Variants in GABBR2 observed in about 807,000 individuals in gnomAD.
GABBR2 encodes the protein G-protein coupled receptor 51.
In GABBR2, 23 loss-of-function variants were observed where a neutral mutation model predicts 105.6. The observed-to-expected ratio is 0.22, with a 90% confidence interval of 0.16 to 0.31. The LOEUF (loss-of-function observed/expected upper bound fraction) is 0.31, where lower values mean the gene tolerates loss of function less well. GABBR2 is among the 10% of genes least tolerant of loss of function. GABBR2 has a pLI of 1.00. For missense variants in GABBR2, 734 were observed against 1,245.5 expected (o/e 0.59, Z 6.18); for synonymous variants, 478 against 499.7 (o/e 0.96, Z 0.58).
intron 6 of GABBR2, among the ~76,000 whole-genome samples, chr9:98,470,576 G>A (rs1428371491): frequency 3.9e-5 from 6 of 152,112 alleles, no homozygotes; most frequent in Non-Finnish European, 7.4e-5. Flanking sequence ...TTTGGGTGGG[G>A]ACGCAGAGCT....
At chr9:98,702,775 T>C (rs1830847731) in intron 1 of GABBR2, among the ~76,000 whole-genome samples, 1 of 152,238 alleles carries the variant, frequency 6.6e-6, no homozygotes, top group Non-Finnish European at 1.5e-5. Context: ...TCTGGTCCTA[T>C]ATGATCTTCC....
At chr9:98,703,808 T>TAAATC (rs1554727344) in intron 1 of GABBR2, among the ~76,000 whole-genome samples, 1 of 150,476 alleles carries the variant, frequency 6.6e-6, no homozygotes, top group African/African-American at 2.4e-5. Context: ...TTTTTATTTT[T>TAAATC]AAATAAAAAT....
intron 1 of GABBR2, among the ~76,000 whole-genome samples, chr9:98,630,789 G>A (rs535799198): frequency 2.8e-4 from 42 of 152,298 alleles, no homozygotes; most frequent in African/African-American, 9.9e-4. Flanking sequence ...TGGCTTTTAA[G>A]AGGACACCAA....
At chr9:98,569,171 G>A (rs1828791039) in intron 2 of GABBR2, among the ~76,000 whole-genome samples, 1 of 152,132 alleles carries the variant, frequency 6.6e-6, no homozygotes. Context: ...TTCCAGCTGT[G>A]CCTCATCGTA....
chr9:98,377,383 G>A (rs772235768), intron 11 of GABBR2, among the ~76,000 whole-genome samples: 4 of 152,180 alleles, frequency 2.6e-5, no homozygotes, highest in Non-Finnish European at 4.4e-5. Context: ...CAAGTATGGT[G>A]TATCATTTAG....
At chr9:98,660,835 C>T (rs1423729986) in intron 1 of GABBR2, among the ~76,000 whole-genome samples, 1 of 152,218 alleles carries the variant, frequency 6.6e-6, no homozygotes. Context: ...TGACCTCCTG[C>T]CTCCTTCTTA....
At position 98,387,968 on chromosome 9, in the gene GABBR2, G is replaced by A. The variant is rs553057817; in HGVS notation, c.1529+886C>T. The stretch of plus-strand genomic sequence containing the variant: ...CGAGTTCATGCAATGTGGCTTCTGG[G>A]CACCATGGCAGAGCCATGGCACCAT... On this transcript the variant is annotated intron_variant, in intron 10 of 18. Transcript: ENST00000259455. Among the ~76,000 whole-genome samples, 8 of 152,266 alleles carry A rather than the reference G, an allele frequency of 5.3e-5. No homozygotes were observed. In the East Asian group the frequency reaches 1.2e-3, roughly 22 times the overall value.
chr9:98,689,542 C>G (rs1588284373), intron 1 of GABBR2, among the ~76,000 whole-genome samples: 1 of 152,256 alleles, frequency 6.6e-6, no homozygotes, highest in African/African-American at 2.4e-5. Flanking sequence ...TAGACAATAA[C>G]CCAGGATTCC....
At chr9:98,658,545 C>T (rs868801018) in intron 1 of GABBR2, among the ~76,000 whole-genome samples, 5 of 152,190 alleles carry the variant, frequency 3.3e-5, no homozygotes, top group East Asian at 1.9e-4. Context: ...TCCCATCCAC[C>T]GCTCTGTCAA....
chr9:98,339,175 G>A (rs1456386657), intron 13 of GABBR2, among the ~76,000 whole-genome samples: 1 of 150,616 alleles, frequency 6.6e-6, no homozygotes, highest in Non-Finnish European at 1.5e-5. Flanking sequence ...GGGTGACAAC[G>A]TTTTTCTCAA....
At position 98,306,130 on chromosome 9, in the gene GABBR2, G is replaced by A. The variant is rs754518079; in HGVS notation, c.2220C>T (p.Phe740=). The A allele has an allele frequency of 1.6e-5, 26 of 1,613,218 alleles. No homozygotes were observed. The highest frequency in any genetic ancestry group is 3.3e-4 in the Middle Eastern group (2 of 6,056). The change falls in exon 15 of 19, where the codon TTC becomes TTT. Residue 740 remains phenylalanine (F), a synonymous_variant. Transcript: ENST00000259455. The surrounding 1 kb of genome is among the most constrained non-coding windows in gnomAD (Gnocchi z 5.4). ...GGGCCAGCGCCTGTACCTTCGGCAC[G>A]AATACCAGGCAGAGGGTGATGGTGC... ...FCSTITLCLV[F]VPKLITLRTN...
chr9:98,293,647 G>A, intron 18 of GABBR2, 138 bp downstream of exon 18: 1 of 596,784 alleles, frequency 1.7e-6, no homozygotes, highest in Non-Finnish European at 3.0e-6. Context: ...AAAGAGCACT[G>A]TAATTGGACT....
intron 13 of GABBR2, among the ~76,000 whole-genome samples, chr9:98,349,349 GTTTTTTTTTTTTTTT>G (rs1182072320): frequency 4.1e-5 from 1 of 24,218 alleles, no homozygotes; most frequent in Non-Finnish European, 8.1e-5. Flanking sequence ...TTGAAGTTTT[GTTTTTTTTTTTTTTT>G]TTTTTTTTTT....
At chr9:98,708,308 G>C in intron 1 of GABBR2, 109 bp downstream of exon 1, 1 of 1,155,254 alleles carries the variant, frequency 8.7e-7, no homozygotes, top group Non-Finnish European at 1.1e-6. Flanking sequence ...CTCGGCAGGC[G>C]CGGGCCGGTC....
chr9:98,612,443 G>C (rs1193638317), intron 1 of GABBR2, among the ~76,000 whole-genome samples: 1 of 152,232 alleles, frequency 6.6e-6, no homozygotes, highest in East Asian at 1.9e-4. Context: ...AAGCACTAGA[G>C]GGCCGCTTCT....
At chr9:98,605,209 C>T (rs549116966) in intron 1 of GABBR2, among the ~76,000 whole-genome samples, 30 of 152,352 alleles carry the variant, frequency 2.0e-4, no homozygotes, top group Admixed American at 1.9e-3. Flanking sequence ...TAGCCATCCC[C>T]AGGTCAGGTT....
At chr9:98,317,893 G>T (rs1329167162) in intron 13 of GABBR2, among the ~76,000 whole-genome samples, 2 of 152,162 alleles carry the variant, frequency 1.3e-5, no homozygotes, top group African/African-American at 4.8e-5. Flanking sequence ...GAAACTACGG[G>T]CACTTGGAGG....
chr9:98,466,756 A>C lies in GABBR2; in HGVS notation c.999+6390T>G, dbSNP rs528138533. On this transcript the variant is annotated intron_variant, in intron 6 of 18. Transcript: ENST00000259455. The stretch of plus-strand genomic sequence containing the variant: ...ACATCACTGTATTACTCTTAGGTTC[A>C]GCTGCATTGTAACAGAAAAAACAAA... Among the ~76,000 whole-genome samples, 6 of 152,342 alleles carry C rather than the reference A, an allele frequency of 3.9e-5. No individual in the cohort carries two copies. In the South Asian group the frequency reaches 1.0e-3, roughly 26 times the overall value.
chr9:98,658,139 T>G (rs948098829), intron 1 of GABBR2, among the ~76,000 whole-genome samples: 1 of 152,190 alleles, frequency 6.6e-6, no homozygotes, highest in African/African-American at 2.4e-5. Flanking sequence ...AGAGGATAAG[T>G]CATCCACCCA....
Sources: allele counts gnomAD v4.1 joint callset (sites outside exome capture counted in the v4.1 genomes callset), GRCh38; gene constraint gnomAD v4.1.1; non-coding constraint Gnocchi (gnomAD v3.1); transcripts MANE v1.5; gene names NCBI Gene and HGNC (gene_info 2026-07-23, HGNC 2026-07-21).